Variants in KCNH5 observed in about 807,000 individuals in gnomAD.
The protein encoded by KCNH5 is voltage-gated delayed rectifier potassium channel KCNH5.
In KCNH5, 46 loss-of-function variants were observed where a neutral mutation model predicts 96.1. The observed-to-expected ratio is 0.48, with a 90% CI of 0.38 to 0.61. KCNH5 has a LOEUF of 0.61. KCNH5 is among the 20% of genes least tolerant of loss of function. KCNH5 has a pLI of 0.00. For missense variants in KCNH5, 907 were observed against 1,225.8 expected (o/e 0.74, Z 3.88); for synonymous variants, 439 against 449.8 (o/e 0.98, Z 0.30).
intron 10 of KCNH5, among the ~76,000 whole-genome samples, chr14:62,728,063 CAG>C (rs1195034534): frequency 6.6e-6 from 1 of 150,950 alleles, no homozygotes; most frequent in Non-Finnish European, 1.5e-5. Context: ...TGTCTATCAG[CAG>C]AGTTTCTTGC....
intron 1 of KCNH5, among the ~76,000 whole-genome samples, chr14:63,036,912 G>A (rs1891732082): frequency 1.3e-5 from 2 of 152,074 alleles, no homozygotes; most frequent in African/African-American, 4.8e-5. Flanking sequence ...ACCAAGAAAA[G>A]ATCTTAAGAT....
At chr14:62,987,582 T>A (rs1890734554) in intron 4 of KCNH5, among the ~76,000 whole-genome samples, 2 of 152,324 alleles carry the variant, frequency 1.3e-5, no homozygotes, top group South Asian at 4.1e-4. Context: ...ACCAATGGAA[T>A]GCAGACAGAA....
At chr14:62,742,123 A>C (rs1445369687) in intron 10 of KCNH5, among the ~76,000 whole-genome samples, 1 of 152,164 alleles carries the variant, frequency 6.6e-6, no homozygotes, top group African/African-American at 2.4e-5. Flanking sequence ...AGAGTACAAC[A>C]TATTTTAGAA....
intron 7 of KCNH5, among the ~76,000 whole-genome samples, chr14:62,899,315 A>G (rs1011286244): frequency 1.3e-5 from 2 of 152,218 alleles, no homozygotes; most frequent in Non-Finnish European, 2.9e-5. Context: ...TAAGCTTTCC[A>G]ATAACCTATG....
At chr14:63,038,640 T>C (rs1462735847) in intron 1 of KCNH5, among the ~76,000 whole-genome samples, 2 of 152,096 alleles carry the variant, frequency 1.3e-5, no homozygotes, top group African/African-American at 2.4e-5. Context: ...CTAGAATGTA[T>C]ATAAATATGT....
At position 62,773,825 on chromosome 14, in the gene KCNH5, C is replaced by A. The variant is rs530187672; in HGVS notation, c.2019+5903G>T. Reference sequence around the variant, plus strand: ...TTGACTGCCTTATGGACAAATATAACACTTATTTTTAAATGGTTCATTCTC... The same window carrying A: ...TTGACTGCCTTATGGACAAATATAAAACTTATTTTTAAATGGTTCATTCTC... On this transcript the variant is annotated intron_variant, in intron 10 of 10. Coordinates refer to ENST00000322893, the MANE Select transcript of KCNH5 (RefSeq NM_139318.5). Among the ~76,000 whole-genome samples the A allele has an allele frequency of 3.3e-4, 51 of 152,270 alleles. 1 individual carries two copies. In the East Asian group the frequency reaches 9.8e-3, roughly 29 times the overall value.
intron 10 of KCNH5, among the ~76,000 whole-genome samples, chr14:62,711,469 A>G (rs1242145471): frequency 6.6e-6 from 1 of 152,156 alleles, no homozygotes; most frequent in Non-Finnish European, 1.5e-5. Context: ...AATTCTGAGT[A>G]TTGCACATTG....
intron 4 of KCNH5, among the ~76,000 whole-genome samples, chr14:62,998,998 G>A (rs999729070): frequency 2.0e-5 from 3 of 152,232 alleles, no homozygotes; most frequent in East Asian, 3.9e-4. Flanking sequence ...ATAAACATAC[G>A]TGTGCATGTG....
intron 9 of KCNH5, among the ~76,000 whole-genome samples, chr14:62,781,141 G>A (rs374643216): frequency 5.3e-5 from 8 of 152,120 alleles, no homozygotes; most frequent in African/African-American, 1.2e-4. Flanking sequence ...AAAGCTGGGC[G>A]TCCAGGGGAG....
At chr14:62,998,738 A>G (rs577996145) in intron 4 of KCNH5, among the ~76,000 whole-genome samples, 1 of 152,196 alleles carries the variant, frequency 6.6e-6, no homozygotes, top group South Asian at 2.1e-4. Context: ...TTCATTTCCA[A>G]ATATTTCAGG....
intron 9 of KCNH5, among the ~76,000 whole-genome samples, chr14:62,794,391 T>A (rs1886496672): frequency 1.3e-5 from 2 of 151,884 alleles, no homozygotes; most frequent in Admixed American, 1.3e-4. Context: ...GAGCATCATT[T>A]TTTTTTTTTG....
intron 7 of KCNH5, among the ~76,000 whole-genome samples, chr14:62,932,894 A>C (rs961034839): frequency 5.9e-5 from 9 of 152,220 alleles, no homozygotes; most frequent in African/African-American, 2.2e-4. Context: ...CTATCAGTTA[A>C]GTGTAAGGAT....
intron 7 of KCNH5, among the ~76,000 whole-genome samples, chr14:62,876,686 T>C (rs978667574): frequency 6.6e-6 from 1 of 152,214 alleles, no homozygotes; most frequent in South Asian, 2.1e-4. Flanking sequence ...ACATACTATA[T>C]AGCGACCTTT....
chr14:62,858,773 C>G (rs1887977712), intron 7 of KCNH5, among the ~76,000 whole-genome samples: 1 of 152,128 alleles, frequency 6.6e-6, no homozygotes, highest in Non-Finnish European at 1.5e-5. Flanking sequence ...ATGGGAGAAA[C>G]AATACCATAT....
rs1468058491 is a variant in KCNH5 at position 62,704,642 on chromosome 14, G to A, written c.*2866C>T. 6.6e-6 allele frequency: 1 copy of A among 151,742 alleles called. No individual in the cohort carries two copies. Among genetic ancestry groups the A allele is most frequent in the African/African-American group, 2.4e-5 (1 of 41,382 alleles). The allele number at this position is 151,742 out of a possible 1,614,324, so 9.4% of individuals were successfully genotyped here. A position where few individuals can be genotyped will look rare whatever the true frequency, so the allele number is the denominator to read the frequency against. On this transcript the variant is annotated 3_prime_UTR_variant, in exon 11 of 11. Coordinates refer to ENST00000322893, the MANE Select transcript of KCNH5 (RefSeq NM_139318.5). ...AGGTGTGTAAATTGCTTTGGAAAATGTTTGGATTTCTAATACATATCCATT... is the reference window on the plus strand; with the variant it reads ...AGGTGTGTAAATTGCTTTGGAAAATATTTGGATTTCTAATACATATCCATT...
At chr14:62,770,114 G>T (rs1036256973) in intron 10 of KCNH5, among the ~76,000 whole-genome samples, 1 of 151,688 alleles carries the variant, frequency 6.6e-6, no homozygotes, top group Non-Finnish European at 1.5e-5. Context: ...GTGAAGAAAA[G>T]AAAAAAAAGT....
Position 62,704,885 on chromosome 14 carries a change from T to G in KCNH5, c.*2623A>C, listed in dbSNP as rs963963414. The G allele has an allele frequency of 6.6e-6, 1 of 151,870 alleles. No homozygotes were observed. Among genetic ancestry groups the G allele is most frequent in the Non-Finnish European group, 1.5e-5 (1 of 67,790 alleles). The allele number at this position is 151,870 out of a possible 1,614,324, so 9.4% of individuals were successfully genotyped here. On this transcript the variant is annotated 3_prime_UTR_variant, in exon 11 of 11. Transcript: ENST00000322893. ...TCCCTTCATTCAAATCTGAGTAAAT[T>G]CAACTGCTAAGATTTGTGGAATCTG... is the stretch of plus-strand genomic sequence containing the variant.
chr14:62,937,588 T>C (rs1338931176), intron 7 of KCNH5, among the ~76,000 whole-genome samples: 1 of 152,194 alleles, frequency 6.6e-6, no homozygotes, highest in Non-Finnish European at 1.5e-5. Flanking sequence ...TCTGCTGCAA[T>C]GAAGATGAGT....
At chr14:62,734,282 C>T (rs934224083) in intron 10 of KCNH5, among the ~76,000 whole-genome samples, 2 of 152,128 alleles carry the variant, frequency 1.3e-5, no homozygotes, top group African/African-American at 4.8e-5. Context: ...GCTTAAACCC[C>T]TTCAATGGCT....
Sources: gnomAD v4.1 joint callset for allele counts (sites outside exome capture counted in the v4.1 genomes callset) on GRCh38, gnomAD v4.1.1 for gene constraint, MANE v1.5 for transcripts, NCBI Gene and HGNC (gene_info 2026-07-23, HGNC 2026-07-21) for gene names.